SUCNR1: variants seen among roughly 807,000 people sequenced by gnomAD.
SUCNR1 encodes the protein G-protein coupled receptor 91.
Under a neutral mutation model 2.4 loss-of-function variants are expected in SUCNR1, and 5 were observed. The ratio of observed to expected loss-of-function variants is 2.07; its 90% CI spans 1.08 to 4.36. SUCNR1 has a LOEUF of 4.36. SUCNR1 is among the 30% of genes most tolerant of loss of function. SUCNR1 has a pLI of 0.00. For missense variants in SUCNR1, 373 were observed against 399.2 expected, an observed-to-expected ratio of 0.93 and a Z score of 0.56; for synonymous variants, 162 against 143.9, an observed-to-expected ratio of 1.13 and a Z score of -0.90.
Position 151,883,465 on chromosome 3 carries a change from C to CATATATATATATATATATAT in SUCNR1, c.*1938_*1957dup, listed in dbSNP as rs57096358. 3.7e-5 allele frequency: 3 copies of CATATATATATATATATATAT among 80,392 alleles called. No individual in the cohort carries two copies. Among genetic ancestry groups the CATATATATATATATATATAT allele is most frequent in the Admixed American group, 1.6e-4 (1 of 6,144 alleles). 5.0% of individuals were successfully genotyped at this position (80,392 alleles called of 1,614,324 possible). A position where few individuals can be genotyped will look rare whatever the true frequency, so the allele number is the denominator to read the frequency against. On this transcript the variant is annotated 3_prime_UTR_variant, in exon 3 of 3. Coordinates refer to ENST00000362032, the MANE Select transcript of SUCNR1 (RefSeq NM_033050.6). ...AATATTTTTTCAAACCATAAACTCA[C>CATATATATATATATATATAT]ATATATATATATATATATATATATA...
chr3:151,880,839 G>A lies in SUCNR1; in HGVS notation c.296G>A (p.Arg99Gln), dbSNP rs1460647833. 26 of 1,613,940 alleles carry A rather than the reference G, an allele frequency of 1.6e-5. No homozygotes were observed. The highest frequency in any genetic ancestry group is 4.5e-5 in the East Asian group (2 of 44,886). ...IYGDVLCISN[R>Q]YVLHANLYTS... ...GGAGACGTGCTCTGCATAAGCAACC[G>A]ATATGTGCTTCATGCCAACCTCTAT... The change falls in exon 3 of 3, where the codon CGA becomes CAA. Residue 99 changes from arginine to glutamine, a missense_variant. Physicochemically the swap from Arg to Gln is conservative, Grantham distance 43. Transcript: ENST00000362032.
intron 1 of SUCNR1, among the ~76,000 whole-genome samples, chr3:151,879,586 C>T (rs1718024849): frequency 6.6e-6 from 1 of 152,102 alleles, no homozygotes; most frequent in Non-Finnish European, 1.5e-5. Context: ...ACTTTTCAGT[C>T]TATAGAACTG....
intron 1 of SUCNR1, among the ~76,000 whole-genome samples, chr3:151,875,823 T>TCC (rs1717907720): frequency 1.3e-5 from 2 of 152,282 alleles, no homozygotes; most frequent in South Asian, 4.1e-4. Flanking sequence ...TCCCTACTAC[T>TCC]CCTTCAATCC....
chr3:151,876,499 G>A (rs1449498343), intron 1 of SUCNR1, among the ~76,000 whole-genome samples: 1 of 151,958 alleles, frequency 6.6e-6, no homozygotes, highest in African/African-American at 2.4e-5. Flanking sequence ...TAGATAAAAG[G>A]AGAAAGGAAA....
At position 151,880,862 on chromosome 3, in the gene SUCNR1, T is replaced by C. The variant is rs1718070854; in HGVS notation, c.319T>C (p.Tyr107His). The C allele has an allele frequency of 5.0e-6, 8 of 1,614,136 alleles. No homozygotes were observed. Among genetic ancestry groups the C allele is most frequent in the Non-Finnish European group, 6.8e-6 (8 of 1,180,010 alleles). ...SNRYVLHANL[Y>H]TSILFLTFIS... ...CCGATATGTGCTTCATGCCAACCTCTATACCAGCATTCTCTTTCTCACTTT... is the reference window on the plus strand; with the variant it reads ...CCGATATGTGCTTCATGCCAACCTCCATACCAGCATTCTCTTTCTCACTTT... Residue 107 changes from tyrosine to histidine, a missense_variant, in exon 3 of 3, where the codon TAT (tyrosine) becomes CAT (histidine). Physicochemically the swap from Tyr to His is moderately conservative, Grantham distance 83. Transcript: ENST00000362032.
In SUCNR1 at chr3:151,881,789, G is replaced by A. The variant is rs2108068545; in HGVS notation, c.*241G>A. The A allele has an allele frequency of 2.5e-6, 1 of 398,076 alleles. No individual in the cohort carries two copies. Among genetic ancestry groups the A allele is most frequent in the East Asian group, 4.1e-5 (1 of 24,652 alleles). The allele number at this position is 398,076 out of a possible 1,614,324, so 24.7% of individuals were successfully genotyped here. A position where few individuals can be genotyped will look rare whatever the true frequency, so the allele number is the denominator to read the frequency against. On this transcript the variant is annotated 3_prime_UTR_variant, in exon 3 of 3. Coordinates refer to ENST00000362032, the MANE Select transcript of SUCNR1 (RefSeq NM_033050.6). ...ACTCCAAAATACTAGGTAGTATAAG[G>A]CTTTCTCAATCAGTGCAAAAATGGA...
chr3:151,874,142 ATATATTTTTTT>A lies in SUCNR1; in HGVS notation c.-42+438_-42+448del, dbSNP rs1431828420. Among the ~76,000 whole-genome samples the A allele has an allele frequency of 3.9e-4, 21 of 53,166 alleles. 1 individual carries two copies. Among genetic ancestry groups the A allele is most frequent in the African/African-American group, 1.0e-3 (14 of 13,906 alleles). 34.9% of individuals were successfully genotyped at this position (53,166 alleles called of 152,430 possible). ...TATACATACATATATATATATATAT[ATATATTTTTTT>A]TTTTTTTTTTTTTTTTTAAGACAGA... On this transcript the variant is annotated intron_variant, in intron 1 of 2. Transcript: ENST00000362032.
chr3:151,876,011 C>T (rs1017046472), intron 1 of SUCNR1, among the ~76,000 whole-genome samples: 1 of 152,110 alleles, frequency 6.6e-6, no homozygotes, highest in Admixed American at 6.6e-5. Context: ...ATTAACATTA[C>T]CAGTGGTGAC....
chr3:151,881,688 A>G lies in SUCNR1; in HGVS notation c.*140A>G, dbSNP rs1408719170. 5.2e-6 allele frequency: 4 copies of G among 764,014 alleles called. No homozygotes were observed. The East Asian group carries it at 8.0e-5, about 15-fold the overall frequency. 47.3% of individuals were successfully genotyped at this position (764,014 alleles called of 1,614,324 possible). A position where few individuals can be genotyped will look rare whatever the true frequency, so the allele number is the denominator to read the frequency against. On this transcript the variant is annotated 3_prime_UTR_variant, in exon 3 of 3. Coordinates refer to ENST00000362032, the MANE Select transcript of SUCNR1 (RefSeq NM_033050.6). ...GTTGTACCCAGAGTATGTGAAAAGA[A>G]TGGGACGACAAGAATGTACTGGTTT...
chr3:151,881,052 C>A lies in SUCNR1; in HGVS notation c.509C>A (p.Thr170Asn). ...AATCCTGTTATAACTGACAATGGCACCACCTGTAATGATTTTGCAAGTTCT... is the reference window on the plus strand; with the variant it reads ...AATCCTGTTATAACTGACAATGGCAACACCTGTAATGATTTTGCAAGTTCT... Reference protein sequence around the residue: ...LINPVITDNGTTCNDFASSGD... With the variant: ...LINPVITDNGNTCNDFASSGD... Residue 170 changes from threonine to asparagine, a missense_variant, in exon 3 of 3, where the codon ACC becomes AAC. Physicochemically the swap from Thr to Asn is moderately conservative, Grantham distance 65. Transcript: ENST00000362032. The A allele has an allele frequency of 6.2e-7, 1 of 1,614,158 alleles. No homozygotes were observed. The highest frequency in any genetic ancestry group is 8.5e-7 in the Non-Finnish European group (1 of 1,180,024).
intron 1 of SUCNR1, among the ~76,000 whole-genome samples, chr3:151,874,366 T>C (rs887641541): frequency 1.3e-4 from 20 of 151,598 alleles, no homozygotes; most frequent in African/African-American, 4.8e-4. Flanking sequence ...TTAGTAGAGA[T>C]GGAGTTTCAC....
chr3:151,883,442 T>C lies in SUCNR1; in HGVS notation c.*1894T>C, dbSNP rs1322029497. 2 of 141,112 alleles carry C rather than the reference T, an allele frequency of 1.4e-5. No homozygotes were observed. Among genetic ancestry groups the C allele is most frequent in the African/African-American group, 5.2e-5 (2 of 38,796 alleles). The allele number at this position is 141,112 out of a possible 1,614,324, so 8.7% of individuals were successfully genotyped here. A position where few individuals can be genotyped will look rare whatever the true frequency, so the allele number is the denominator to read the frequency against. On this transcript the variant is annotated 3_prime_UTR_variant, in exon 3 of 3. Coordinates refer to ENST00000362032, the MANE Select transcript of SUCNR1 (RefSeq NM_033050.6). The stretch of plus-strand genomic sequence containing the variant: ...GACTCTTTCTAATAGTGCAGTGAAA[T>C]ATTTTTTCAAACCATAAACTCACAT...
chr3:151,880,553 CT>C lies in SUCNR1; in HGVS notation c.16-3del. On this transcript the variant is annotated splice_polypyrimidine_tract_variant and splice_region_variant and intron_variant, in intron 2 of 2. Coordinates refer to ENST00000362032, the MANE Select transcript of SUCNR1 (RefSeq NM_033050.6). ...TTAATCCTTATATTTTCTCTCTCTT[CT>C]TTAGGCATGGAATGCAACTTGCAAA... 6.3e-7 allele frequency: 1 copy of C among 1,589,434 alleles called. No individual in the cohort carries two copies. The highest frequency in any genetic ancestry group is 1.4e-5 in the African/African-American group (1 of 73,758).
intron 1 of SUCNR1, among the ~76,000 whole-genome samples, chr3:151,877,284 A>C (rs1249571323): frequency 6.6e-6 from 1 of 152,162 alleles, no homozygotes; most frequent in Non-Finnish European, 1.5e-5. Flanking sequence ...GTCCCCATTA[A>C]GGATTTTAGA....
rs1718120316 is a variant in SUCNR1, at chr3:151,882,112, T to G, written c.*564T>G. ...GGGTAGTCTTGTAATTTATCTAACC[T>G]TTTTGTTGTATGGGTTTATAGTGGA... On this transcript the variant is annotated 3_prime_UTR_variant, in exon 3 of 3. Transcript: ENST00000362032. 2 of 152,220 alleles carry G rather than the reference T, an allele frequency of 1.3e-5. No individual in the cohort carries two copies. The highest frequency in any genetic ancestry group is 1.3e-4 in the Admixed American group (2 of 15,268). 9.4% of individuals were successfully genotyped at this position (152,220 alleles called of 1,614,324 possible). A position where few individuals can be genotyped will look rare whatever the true frequency, so the allele number is the denominator to read the frequency against.
rs71306564 is a variant in SUCNR1 at position 151,882,614 on chromosome 3, A to C, written c.*1066A>C. ...TTACAAGGATAACTTTATTGTAGCG[A>C]GAGCAAATCACATCTGGAGTGAGCC... On this transcript the variant is annotated 3_prime_UTR_variant, in exon 3 of 3. Transcript: ENST00000362032. 0.12 allele frequency: 18,142 copies of C among 152,182 alleles called. 1,146 individuals are homozygous for C. The highest frequency in any genetic ancestry group is 0.15 in the Middle Eastern group (43 of 294). 9.4% of individuals were successfully genotyped at this position (152,182 alleles called of 1,614,324 possible).
intron 2 of SUCNR1, 115 bp downstream of exon 2, chr3:151,880,022 G>T: frequency 1.6e-6 from 1 of 608,834 alleles, no homozygotes. Context: ...CCACCTTAAT[G>T]CCTTCACATG....
intron 1 of SUCNR1, among the ~76,000 whole-genome samples, chr3:151,878,040 C>CA (rs1397830973): frequency 2.0e-5 from 3 of 151,950 alleles, no homozygotes; most frequent in African/African-American, 4.8e-5. Context: ...TTCCAGAAGA[C>CA]AGAGTATGAA....
At position 151,882,612 on chromosome 3, in the gene SUCNR1, C is replaced by T. The variant is rs1384473535; in HGVS notation, c.*1064C>T. 1 of 152,052 alleles carries T rather than the reference C, an allele frequency of 6.6e-6. No homozygotes were observed. Among genetic ancestry groups the T allele is most frequent in the East Asian group, 1.9e-4 (1 of 5,200 alleles). The allele number at this position is 152,052 out of a possible 1,614,324, so 9.4% of individuals were successfully genotyped here. On this transcript the variant is annotated 3_prime_UTR_variant, in exon 3 of 3. Coordinates refer to ENST00000362032, the MANE Select transcript of SUCNR1 (RefSeq NM_033050.6). Reference sequence around the variant, plus strand: ...ATTTACAAGGATAACTTTATTGTAGCGAGAGCAAATCACATCTGGAGTGAG... The same window carrying T: ...ATTTACAAGGATAACTTTATTGTAGTGAGAGCAAATCACATCTGGAGTGAG...
Sources: gnomAD v4.1 joint callset for allele counts (sites outside exome capture counted in the v4.1 genomes callset) on GRCh38, gnomAD v4.1.1 for gene constraint, MANE v1.5 for transcripts, NCBI Gene and HGNC (gene_info 2026-07-23, HGNC 2026-07-21) for gene names.